Variants in KIAA1549 observed in about 807,000 individuals in gnomAD.
KIAA1549 encodes KIAA1549.
KIAA1549 carries 70 observed loss-of-function variants against 156.4 expected under a neutral mutation model. That is an observed-to-expected ratio of 0.45 (90% confidence interval 0.37 to 0.55). KIAA1549 has a LOEUF of 0.55. KIAA1549 is among the 20% of genes least tolerant of loss of function. The pLI, the probability that KIAA1549 is intolerant of heterozygous loss-of-function variation, is 0.00. For synonymous variants in KIAA1549, 1,103 were observed against 1,066.4 expected, an observed-to-expected ratio of 1.03 and a Z score of -0.67; for missense variants, 2,428 against 2,540.9, an observed-to-expected ratio of 0.96 and a Z score of 0.96.
Position 138,847,395 on chromosome 7 carries a change from A to T in KIAA1549, c.5295-2921T>A, listed in dbSNP as rs565634479. Among the ~76,000 whole-genome samples, 144 of 152,274 alleles carry T rather than the reference A, an allele frequency of 9.5e-4. No homozygotes were observed. In the Middle Eastern group the frequency reaches 0.01, roughly 11 times the overall value. ...TCACAAAGCTGTGTGGTAGGGGAGG[A>T]AGGGCGGAGAAAAGCAAAGCAAACC... is the stretch of plus-strand genomic sequence containing the variant. On this transcript the variant is annotated intron_variant, in intron 17 of 19. Coordinates refer to ENST00000422774, the MANE Select transcript of KIAA1549 (RefSeq NM_001164665.2).
intron 2 of KIAA1549, among the ~76,000 whole-genome samples, chr7:138,914,426 G>A (rs562163739): frequency 1.1e-4 from 16 of 152,278 alleles, no homozygotes; most frequent in South Asian, 2.1e-4. Flanking sequence ...GTGGAAGCGC[G>A]GCTCATGCCT....
At chr7:138,840,401 G>T in intron 18 of KIAA1549, 123 bp from the exon 19 acceptor site, 1 of 812,882 alleles carries the variant, frequency 1.2e-6, no homozygotes, top group African/African-American at 1.7e-5. Flanking sequence ...AAGGGATCAG[G>T]ACTTGGTACC....
rs975101086 is a variant in KIAA1549, at chr7:138,981,104, G to A, written c.166C>T (p.Arg56Trp). Residue 56 changes from arginine to tryptophan, a missense_variant, in exon 1 of 20, where the codon CGG (arginine) becomes TGG (tryptophan). Arg to Trp is a moderately radical substitution (Grantham distance 101). Around this residue, in one of 5 missense-constraint regions of KIAA1549, gnomAD observed 893 missense variants for 847.9 expected, o/e 1.05. Transcript: ENST00000422774. This position sits in a 1 kb window ranked among gnomAD's most constrained non-coding sequence, Gnocchi z 4.5. The part of the protein sequence containing the change: ...LPGLWLLLLA[R>W]PASCAPDELS... ...TTACCTGGGGCGCACGAGGCCGGCCGGGCCAGCAGCAGCAGCCAGAGGCCA... is the reference window on the plus strand; with the variant it reads ...TTACCTGGGGCGCACGAGGCCGGCCAGGCCAGCAGCAGCAGCCAGAGGCCA... The A allele has an allele frequency of 3.3e-6, 4 of 1,224,364 alleles. No individual in the cohort carries two copies. The highest frequency in any genetic ancestry group is 8.6e-5 in the Admixed American group (2 of 23,346). The allele number at this position is 1,224,364 out of a possible 1,614,324, so 75.8% of individuals were successfully genotyped here.
chr7:138,844,186 T>C (rs888110442), intron 18 of KIAA1549, 131 bp downstream of exon 18: 7 of 1,024,850 alleles, frequency 6.8e-6, no homozygotes, highest in African/African-American at 1.6e-5. Flanking sequence ...GGTCAGGATA[T>C]GAGGGGAAAC....
chr7:138,858,209 C>T (rs1229466848), intron 16 of KIAA1549, among the ~76,000 whole-genome samples: 1 of 152,064 alleles, frequency 6.6e-6, no homozygotes, highest in East Asian at 1.9e-4. Context: ...TAGCCTCAGC[C>T]TCCCAGGGTC....
rs1299726927 is a variant in KIAA1549, at chr7:138,911,328, G to A, written c.2968-5C>T. On this transcript the variant is annotated splice_region_variant and splice_polypyrimidine_tract_variant and intron_variant, in intron 3 of 19. Transcript: ENST00000422774. ...GTCAGTAAATAGTTCGTAAACCTAG[G>A]GAAATAAGAAATACAAAGACAATTC... 3 of 1,563,152 alleles carry A rather than the reference G, an allele frequency of 1.9e-6. No individual in the cohort carries two copies. The highest frequency in any genetic ancestry group is 1.4e-5 in the African/African-American group (1 of 73,208).
At chr7:138,854,991 C>T (rs776835308) in intron 16 of KIAA1549, among the ~76,000 whole-genome samples, 3 of 152,166 alleles carry the variant, frequency 2.0e-5, no homozygotes, top group Non-Finnish European at 4.4e-5. Context: ...AACAAACAAA[C>T]AAAACGAAGA....
chr7:138,890,354 A>T (rs1811513937), intron 10 of KIAA1549, among the ~76,000 whole-genome samples: 1 of 152,250 alleles, frequency 6.6e-6, no homozygotes, highest in South Asian at 2.1e-4. Flanking sequence ...AAATCCCAAA[A>T]GTGTCTGAAC....
rs1812031109 is a variant in KIAA1549 at position 138,907,155 on chromosome 7, C to T, written c.3277-53G>A. 3.7e-6 allele frequency: 5 copies of T among 1,347,950 alleles called. No individual in the cohort carries two copies. The South Asian group carries it at 5.6e-5, about 15-fold the overall frequency. 83.5% of individuals were successfully genotyped at this position (1,347,950 alleles called of 1,614,324 possible). Reference sequence around the variant, plus strand: ...CTATAATAAAACATTCTGCTGAAAGCTTAACCATGATTTCTCTCTCACAGG... The same window carrying T: ...CTATAATAAAACATTCTGCTGAAAGTTTAACCATGATTTCTCTCTCACAGG... On this transcript the variant is annotated intron_variant, in intron 5 of 19. Coordinates refer to ENST00000422774, the MANE Select transcript of KIAA1549 (RefSeq NM_001164665.2).
At position 138,954,126 on chromosome 7, in the gene KIAA1549, CTTCT is replaced by C. The variant is rs1339099639; in HGVS notation, c.187+26953_187+26956del. On this transcript the variant is annotated intron_variant, in intron 1 of 19. Transcript: ENST00000422774. ...AAGTTAGATTAGTAATAAAAATTGG[CTTCT>C]AACAACAGCAAATAAATATACGATG... is the stretch of plus-strand genomic sequence containing the variant. 7.2e-5 allele frequency among the ~76,000 whole-genome samples: 11 copies of C among 152,256 alleles called. No homozygotes were observed. The East Asian group carries it at 1.7e-3, about 24-fold the overall frequency.
At chr7:138,930,355 T>C (rs912023119) in intron 1 of KIAA1549, among the ~76,000 whole-genome samples, 18 of 152,184 alleles carry the variant, frequency 1.2e-4, no homozygotes, top group African/African-American at 3.6e-4. Flanking sequence ...ACTAGCTTCA[T>C]TGGCCCCTAA....
Position 138,867,141 on chromosome 7 carries a change from A to AAT in KIAA1549, c.4929+832_4929+833dup, listed in dbSNP as rs1357422550. Among the ~76,000 whole-genome samples the AAT allele has an allele frequency of 4.6e-5, 7 of 152,140 alleles. No individual in the cohort carries two copies. The East Asian group carries it at 1.3e-3, about 29-fold the overall frequency. Reference sequence around the variant, plus strand: ...TAACCTCTTTCTCCCATAAAAGCAAAATATATATAAGCAAATACGCTATCT... The same window carrying AAT: ...TAACCTCTTTCTCCCATAAAAGCAAAATATATATATAAGCAAATACGCTATCT... On this transcript the variant is annotated intron_variant, in intron 15 of 19. Transcript: ENST00000422774.
At chr7:138,930,949 C>T (rs1812850548) in intron 1 of KIAA1549, among the ~76,000 whole-genome samples, 1 of 152,170 alleles carries the variant, frequency 6.6e-6, no homozygotes, top group Admixed American at 6.5e-5. Context: ...AAGTGAGAGA[C>T]ATGCAACTCT....
At chr7:138,895,844 T>C (rs1022529822) in intron 9 of KIAA1549, among the ~76,000 whole-genome samples, 1 of 152,040 alleles carries the variant, frequency 6.6e-6, no homozygotes, top group African/African-American at 2.4e-5. Context: ...CCCACCTGTG[T>C]CTCTCCCTAA....
intron 1 of KIAA1549, among the ~76,000 whole-genome samples, chr7:138,960,287 T>TTTTATTTATTTATTTATTTA (rs1356727367): frequency 1.1e-5 from 1 of 90,168 alleles, no homozygotes; most frequent in African/African-American, 4.9e-5. Context: ...ATAAATTTTA[T>TTTTATTTATTTATTTATTTA]TTTATTGATT....
intron 1 of KIAA1549, among the ~76,000 whole-genome samples, chr7:138,920,158 C>T (rs1812522936): frequency 6.9e-6 from 1 of 145,872 alleles, no homozygotes. Flanking sequence ...TCACCCCCGC[C>T]TGGAATGCCC....
At chr7:138,909,183 A>G in intron 4 of KIAA1549, 62 bp from the exon 5 acceptor site, 1 of 1,531,724 alleles carries the variant, frequency 6.5e-7, no homozygotes, top group Non-Finnish European at 8.9e-7. Context: ...AGTATTAAGG[A>G]ATCAAGAGAG....
intron 16 of KIAA1549, among the ~76,000 whole-genome samples, chr7:138,859,110 C>T (rs1275699427): frequency 1.3e-5 from 2 of 151,994 alleles, no homozygotes; most frequent in Non-Finnish European, 2.9e-5. Flanking sequence ...GAAAGTCTTA[C>T]ATCAACATCT....
chr7:138,886,492 A>T (rs1811394390), intron 10 of KIAA1549, among the ~76,000 whole-genome samples: 1 of 152,066 alleles, frequency 6.6e-6, no homozygotes, highest in Admixed American at 6.6e-5. Context: ...TGCCCAGCTG[A>T]TCTGGAACTG....
Sources: gnomAD v4.1 joint callset for allele counts (sites outside exome capture counted in the v4.1 genomes callset) on GRCh38, gnomAD v4.1.1 for gene constraint, gnomAD v4.1.1 regional missense constraint, Gnocchi (gnomAD v3.1) non-coding constraint, MANE v1.5 for transcripts, NCBI Gene and HGNC (gene_info 2026-07-23, HGNC 2026-07-21) for gene names.